The following FBXO42 variants were observed in gnomAD, a reference collection of about 807,000 sequenced individuals.
FBXO42 encodes F-box only protein 42.
A neutral mutation model predicts 71.7 loss-of-function variants in FBXO42; 12 were observed. The ratio of observed to expected loss-of-function variants is 0.17; its 90% confidence interval spans 0.11 to 0.27. The LOEUF (loss-of-function observed/expected upper bound fraction) is 0.27. Ranked by LOEUF, FBXO42 falls within the 10% of genes least tolerant of loss-of-function variation. The probability of loss-of-function intolerance (pLI) is 1.00; values close to 1 mark genes in which losing one functional copy is unlikely to be tolerated. For missense variants in FBXO42, 707 were observed against 911.9 expected, an observed-to-expected ratio of 0.78 and a Z score of 2.89; for synonymous variants, 325 against 327.5, an observed-to-expected ratio of 0.99 and a Z score of 0.08.
At chr1:16,275,153 A>G (rs952082670) in intron 4 of FBXO42, among the ~76,000 whole-genome samples, 1 of 152,214 alleles carries the variant, frequency 6.6e-6, no homozygotes, top group African/African-American at 2.4e-5. Flanking sequence ...TCTGAGATTC[A>G]GCAGTGGGAT....
At chr1:16,346,168 C>T (rs566646066) in intron 1 of FBXO42, among the ~76,000 whole-genome samples, 1 of 152,146 alleles carries the variant, frequency 6.6e-6, no homozygotes, top group South Asian at 2.1e-4. Context: ...TTCACCAATT[C>T]TTTACGAAGA....
intron 1 of FBXO42, among the ~76,000 whole-genome samples, chr1:16,340,583 T>C (rs1158768949): frequency 6.6e-6 from 1 of 152,142 alleles, no homozygotes; most frequent in Non-Finnish European, 1.5e-5. Context: ...CCTCCCAAAG[T>C]GCTGGGATTA....
intron 4 of FBXO42, among the ~76,000 whole-genome samples, chr1:16,275,597 A>G (rs2081891563): frequency 6.6e-6 from 1 of 152,126 alleles, no homozygotes; most frequent in Non-Finnish European, 1.5e-5. Context: ...CCACTCAGGG[A>G]CAAAAAGCTA....
At chr1:16,297,713 A>G (rs532697403) in intron 3 of FBXO42, among the ~76,000 whole-genome samples, 1 of 151,968 alleles carries the variant, frequency 6.6e-6, no homozygotes, top group Admixed American at 6.6e-5. Context: ...ATACAAAAAA[A>G]AAAATTAGCC....
At chr1:16,343,247 T>C (rs543410704) in intron 1 of FBXO42, among the ~76,000 whole-genome samples, 1 of 152,280 alleles carries the variant, frequency 6.6e-6, no homozygotes, top group South Asian at 2.1e-4. Context: ...ATTCTAAGGA[T>C]TTAGAAGAAC....
intron 4 of FBXO42, among the ~76,000 whole-genome samples, chr1:16,290,997 C>T (rs962984129): frequency 1.3e-5 from 2 of 152,178 alleles, no homozygotes; most frequent in African/African-American, 4.8e-5. Context: ...CAGCAGTATT[C>T]TCTATCAAGA....
At chr1:16,277,639 T>C (rs1193120012) in intron 4 of FBXO42, among the ~76,000 whole-genome samples, 1 of 149,780 alleles carries the variant, frequency 6.7e-6, no homozygotes, top group Admixed American at 6.7e-5. Flanking sequence ...GCAGAAGAAT[T>C]GCTTGAATCC....
rs55983316 is a variant in FBXO42, at chr1:16,335,063, C to CAAAAAAAA, written c.-18+17184_-18+17191dup. Among the ~76,000 whole-genome samples, 201 of 69,016 alleles carry CAAAAAAAA rather than the reference C, an allele frequency of 2.9e-3. 18 individuals are homozygous for CAAAAAAAA. The highest frequency in any genetic ancestry group is 4.3e-3 in the Non-Finnish European group (168 of 39,264). 45.3% of individuals were successfully genotyped at this position (69,016 alleles called of 152,430 possible). On this transcript the variant is annotated intron_variant, in intron 1 of 9. Coordinates refer to ENST00000375592, the MANE Select transcript of FBXO42 (RefSeq NM_018994.3). ...GCAACACAGCAAAACCTCGTCTGTA[C>CAAAAAAAA]AAAAAAAAAAAAAAAAAAAAAAAAA...
intron 4 of FBXO42, chr1:16,292,954 G>C (rs2082094577): frequency 6.6e-6 from 1 of 152,196 alleles, no homozygotes. Context: ...ACTCCAGCCT[G>C]GGTGACAAAG....
chr1:16,343,572 C>T (rs1026829801), intron 1 of FBXO42, among the ~76,000 whole-genome samples: 8 of 151,972 alleles, frequency 5.3e-5, no homozygotes, highest in African/African-American at 1.7e-4. Flanking sequence ...AAAAAAATTC[C>T]CAGCACTTTG....
chr1:16,260,493 G>A (rs548150264), intron 4 of FBXO42, among the ~76,000 whole-genome samples: 1 of 152,240 alleles, frequency 6.6e-6, no homozygotes, highest in East Asian at 1.9e-4. Flanking sequence ...ACAGGTGTGA[G>A]CCACCGCGCC....
rs2273311 is a variant in FBXO42, at chr1:16,315,404, C to T, written c.15G>A (p.Ser5=). ...CCATGAAACTGTCATCTTCACTGTC[C>T]GAGGAGCTGGCCATGACATTCCACT... is the stretch of plus-strand genomic sequence containing the variant. MASS[S]DSEDDSFMAV... is the part of the protein sequence containing the mutation. The change falls in exon 2 of 10, where the codon TCG becomes TCA. Residue 5 remains serine, a synonymous_variant. Coordinates refer to ENST00000375592, the MANE Select transcript of FBXO42 (RefSeq NM_018994.3). 623,288 of 1,613,610 alleles carry T rather than the reference C, an allele frequency of 0.39. 127,500 individuals carry two copies. Among genetic ancestry groups the T allele is most frequent in the East Asian group, 0.7 (31,259 of 44,856 alleles).
chr1:16,336,031 G>A (rs551950035), intron 1 of FBXO42, among the ~76,000 whole-genome samples: 135 of 151,552 alleles, frequency 8.9e-4, no homozygotes, highest in African/African-American at 3.1e-3. Flanking sequence ...AACACCTCCT[G>A]GGTTCAAGCG....
intron 4 of FBXO42, among the ~76,000 whole-genome samples, chr1:16,283,493 A>ATTTTTTTTTTTTTTTTTTTT: frequency 1.5e-5 from 1 of 64,638 alleles, no homozygotes; most frequent in African/African-American, 4.5e-5. Context: ...AACTGTGGCA[A>ATTTTTTTTTTTTTTTTTTTT]GTTTTTTTTT....
intron 1 of FBXO42, among the ~76,000 whole-genome samples, chr1:16,340,147 G>C (rs974536985): frequency 6.6e-6 from 1 of 151,564 alleles, no homozygotes; most frequent in South Asian, 2.1e-4. Flanking sequence ...CTGCACTCCA[G>C]TCTGGGCGAC....
intron 1 of FBXO42, among the ~76,000 whole-genome samples, chr1:16,342,460 T>C (rs1479502241): frequency 6.7e-6 from 1 of 149,958 alleles, no homozygotes; most frequent in African/African-American, 2.5e-5. Context: ...CACCTGCTTG[T>C]AGTCTCTGCT....
At chr1:16,301,367 A>C (rs1253612853) in intron 3 of FBXO42, among the ~76,000 whole-genome samples, 1 of 152,134 alleles carries the variant, frequency 6.6e-6, no homozygotes, top group Non-Finnish European at 1.5e-5. Flanking sequence ...AGGTGTTGTG[A>C]AACAGTACAA....
intron 1 of FBXO42, among the ~76,000 whole-genome samples, chr1:16,326,186 G>A (rs2082449170): frequency 6.6e-6 from 1 of 151,700 alleles, no homozygotes. Context: ...CTCCCAAGTA[G>A]CTGGGATTAC....
At chr1:16,318,574 T>C (rs896363755) in intron 1 of FBXO42, among the ~76,000 whole-genome samples, 1 of 152,198 alleles carries the variant, frequency 6.6e-6, no homozygotes, top group Non-Finnish European at 1.5e-5. Flanking sequence ...ATCTCATTTA[T>C]ACTCCTATGA....
Sources: allele counts gnomAD v4.1 joint callset (sites outside exome capture counted in the v4.1 genomes callset), GRCh38; gene constraint gnomAD v4.1.1; transcripts MANE v1.5; gene names NCBI Gene and HGNC (gene_info 2026-07-23, HGNC 2026-07-21).